FUBP3: variants seen among roughly 807,000 people sequenced by gnomAD.
FUBP3 encodes the protein far upstream element-binding protein 3.
FUBP3 carries 28 observed loss-of-function variants against 85.6 expected under a neutral mutation model. The ratio of observed to expected loss-of-function variants is 0.33; its 90% CI spans 0.24 to 0.45. FUBP3 has a LOEUF of 0.45. Ranked by LOEUF, FUBP3 falls within the 20% of genes least tolerant of loss-of-function variation. FUBP3 has a pLI of 1.00. For missense variants in FUBP3, 583 were observed against 755.1 expected (o/e 0.77, Z 2.67); for synonymous variants, 271 against 271.4 (o/e 1.00, Z 0.01).
At chr9:130,609,725 C>A (rs111514233) in intron 2 of FUBP3, among the ~76,000 whole-genome samples, 124 of 152,324 alleles carry the variant, frequency 8.1e-4, no homozygotes, top group African/African-American at 2.9e-3. Flanking sequence ...AGATCAATTT[C>A]TTATCCTGTG....
chr9:130,629,499 G>A (rs913663642), intron 12 of FUBP3, among the ~76,000 whole-genome samples: 2 of 152,218 alleles, frequency 1.3e-5, no homozygotes, highest in African/African-American at 2.4e-5. Context: ...CTGGACCTCT[G>A]TAGAGTCCTT....
At chr9:130,624,609 TTGTGTGTG>T (rs138986229) in intron 11 of FUBP3, among the ~76,000 whole-genome samples, 2,365 of 143,946 alleles carry the variant, frequency 0.016, 42 homozygotes, top group African/African-American at 0.042. Context: ...TTACAAGATT[TTGTGTGTG>T]TGTGTGTGTG....
At chr9:130,623,783 C>A in intron 11 of FUBP3, 72 bp downstream of exon 11, 1 of 979,262 alleles carries the variant, frequency 1.0e-6, no homozygotes, top group Non-Finnish European at 1.6e-6. Context: ...GCTCTCGGTG[C>A]AGCACCATAG....
rs1386762387 is a variant in FUBP3 at position 130,589,693 on chromosome 9, ATATATATATATATTTTT to A, written c.85-5788_85-5772del. Among the ~76,000 whole-genome samples the A allele has an allele frequency of 3.7e-3, 111 of 29,786 alleles. 1 individual carries two copies. The highest frequency in any genetic ancestry group is 5.3e-3 in the Admixed American group (11 of 2,076). The allele number at this position is 29,786 out of a possible 152,430, so 19.5% of individuals were successfully genotyped here. ...TGTGTGTGTATATATATATATATAT[ATATATATATATATTTTT>A]TTTTTTTTTTTTTTTTTTAAGAGAC... On this transcript the variant is annotated intron_variant, in intron 1 of 18. Transcript: ENST00000319725.
chr9:130,598,177 A>G (rs1384450601), intron 2 of FUBP3, among the ~76,000 whole-genome samples: 1 of 152,208 alleles, frequency 6.6e-6, no homozygotes, highest in African/African-American at 2.4e-5. Context: ...TAATCTCTTT[A>G]TTAGTGCTAA....
At position 130,616,720 on chromosome 9, in the gene FUBP3, C is replaced by T. The variant is rs1832027184; in HGVS notation, c.567+203C>T. Among the ~76,000 whole-genome samples the T allele has an allele frequency of 6.6e-6, 1 of 152,206 alleles. No homozygotes were observed. The highest frequency in any genetic ancestry group is 1.5e-5 in the Non-Finnish European group (1 of 68,034). ...CTGATGCCAAATATGATGCCAAGTA[C>T]TAGGGCAGGTGTGCCCTATCAGGGG... On this transcript the variant is annotated intron_variant, in intron 7 of 18. Transcript: ENST00000319725. The surrounding 1 kb of genome is among the most constrained non-coding windows in gnomAD (Gnocchi z 4.7).
At chr9:130,589,725 T>TAA in intron 1 of FUBP3, among the ~76,000 whole-genome samples, 20 of 125,890 alleles carry the variant, frequency 1.6e-4, no homozygotes, top group Non-Finnish European at 3.1e-4. Flanking sequence ...TTTTTTTTTT[T>TAA]TTTAAGAGAC....
chr9:130,636,373 T>C (rs1830420379), intron 18 of FUBP3, among the ~76,000 whole-genome samples: 1 of 152,252 alleles, frequency 6.6e-6, no homozygotes, highest in African/African-American at 2.4e-5. Flanking sequence ...AGGAAGTGCC[T>C]GAACTTTCCT....
At chr9:130,602,052 G>A (rs535531939) in intron 2 of FUBP3, among the ~76,000 whole-genome samples, 3 of 151,822 alleles carry the variant, frequency 2.0e-5, no homozygotes, top group Admixed American at 6.6e-5. Flanking sequence ...CACCTGCCTC[G>A]GCCTCCCAGA....
chr9:130,600,591 G>A (rs1309497796), intron 2 of FUBP3, among the ~76,000 whole-genome samples: 2 of 151,996 alleles, frequency 1.3e-5, no homozygotes, highest in East Asian at 2.0e-4. Flanking sequence ...TATCCCCCAG[G>A]CTCAGGTGAT....
intron 1 of FUBP3, among the ~76,000 whole-genome samples, chr9:130,580,094 G>A (rs1457646249): frequency 6.6e-6 from 1 of 152,222 alleles, no homozygotes. Flanking sequence ...GAGGGGAGGG[G>A]TCCGGGAAGC....
At chr9:130,619,027 G>C (rs1040977204) in intron 8 of FUBP3, among the ~76,000 whole-genome samples, 2 of 152,206 alleles carry the variant, frequency 1.3e-5, no homozygotes, top group African/African-American at 4.8e-5. Context: ...TAAGGAACCA[G>C]ATTGCCTCTC....
At chr9:130,615,218 C>T (rs531786930) in intron 6 of FUBP3, among the ~76,000 whole-genome samples, 59 of 152,324 alleles carry the variant, frequency 3.9e-4, no homozygotes, top group African/African-American at 1.4e-3. Flanking sequence ...CATTTTTCTT[C>T]CAACACAGGT....
At chr9:130,617,126 T>C (rs1307096377) in intron 7 of FUBP3, among the ~76,000 whole-genome samples, 4 of 152,232 alleles carry the variant, frequency 2.6e-5, no homozygotes, top group African/African-American at 9.6e-5. Flanking sequence ...TCTGGGGTTG[T>C]ACCCTGAAAT....
intron 2 of FUBP3, among the ~76,000 whole-genome samples, chr9:130,601,443 A>G (rs894042146): frequency 3.9e-5 from 6 of 152,088 alleles, no homozygotes; most frequent in Admixed American, 1.3e-4. Flanking sequence ...AGCAGGCCTC[A>G]TACTCCCCCT....
chr9:130,609,591 A>G (rs1831641834), intron 2 of FUBP3, among the ~76,000 whole-genome samples: 1 of 152,246 alleles, frequency 6.6e-6, no homozygotes, highest in South Asian at 2.1e-4. Flanking sequence ...TGTTTTTAAA[A>G]GAGAAAGAAG....
rs1464263586 is a variant in FUBP3, at chr9:130,612,907, G to A, written c.275-49G>A. The A allele has an allele frequency of 3.3e-6, 4 of 1,222,762 alleles. No homozygotes were observed. Among genetic ancestry groups the A allele is most frequent in the Admixed American group, 3.4e-5 (2 of 58,036 alleles). The allele number at this position is 1,222,762 out of a possible 1,614,324, so 75.7% of individuals were successfully genotyped here. A position where few individuals can be genotyped will look rare whatever the true frequency, so the allele number is the denominator to read the frequency against. Reference sequence around the variant, plus strand: ...ATTAATTCAGTCATTCCTGCGTGGTGAAATATGGAATAGGGGCGTGTATTC... The same window carrying A: ...ATTAATTCAGTCATTCCTGCGTGGTAAAATATGGAATAGGGGCGTGTATTC... On this transcript the variant is annotated intron_variant, in intron 4 of 18. Coordinates refer to ENST00000319725, the MANE Select transcript of FUBP3 (RefSeq NM_003934.2). This position sits in a 1 kb window ranked among gnomAD's most constrained non-coding sequence, Gnocchi z 4.1.
rs777459467 is a variant in FUBP3, at chr9:130,634,663, A to G, written c.1511-4A>G. 7 of 1,612,880 alleles carry G rather than the reference A, an allele frequency of 4.3e-6. No individual in the cohort carries two copies. The Admixed American group carries it at 6.7e-5, about 15-fold the overall frequency. ...GCCTGACTGCTTTTGTGTTCTTCGC[A>G]CAGGCCAGCAGAGCCAGCCGCAGAG... On this transcript the variant is annotated splice_region_variant and splice_polypyrimidine_tract_variant and intron_variant, in intron 16 of 18. Coordinates refer to ENST00000319725, the MANE Select transcript of FUBP3 (RefSeq NM_003934.2).
chr9:130,611,827 TG>T (rs1564207403), intron 3 of FUBP3, among the ~76,000 whole-genome samples: 1 of 150,204 alleles, frequency 6.7e-6, no homozygotes. Flanking sequence ...AGGCACATAA[TG>T]GATGGGATAG....
Sources: allele counts gnomAD v4.1 joint callset (sites outside exome capture counted in the v4.1 genomes callset), GRCh38; gene constraint gnomAD v4.1.1; non-coding constraint Gnocchi (gnomAD v3.1); transcripts MANE v1.5; gene names NCBI Gene and HGNC (gene_info 2026-07-23, HGNC 2026-07-21).